NAALADL2: variants seen among roughly 807,000 people sequenced by gnomAD.
NAALADL2 encodes N-acetylated alpha-linked acidic dipeptidase like 2, also known as inactive N-acetylated-alpha-linked acidic dipeptidase-like protein 2.
NAALADL2 carries 76 observed loss-of-function variants against 87.2 expected under a neutral mutation model. That is an observed-to-expected ratio of 0.87 (90% CI 0.72 to 1.05). The LOEUF is 1.05. NAALADL2 is among the 50% of genes least tolerant of loss of function. The pLI is 0.00. For missense variants in NAALADL2, 1,089 were observed against 945.8 expected (o/e 1.15, Z -1.99); for synonymous variants, 354 against 331.0 (o/e 1.07, Z -0.75).
chr3:174,743,024 AC>A (rs1225949533), intron 3 of NAALADL2, among the ~76,000 whole-genome samples: 5 of 151,700 alleles, frequency 3.3e-5, no homozygotes, highest in Non-Finnish European at 5.9e-5. Flanking sequence ...TATATAATTC[AC>A]TTTTATTTGT....
At chr3:175,668,486 C>T (rs963100969) in intron 11 of NAALADL2, among the ~76,000 whole-genome samples, 1 of 151,828 alleles carries the variant, frequency 6.6e-6, no homozygotes, top group African/African-American at 2.4e-5. Flanking sequence ...ACACTACACA[C>T]GAATGAGTTT....
chr3:175,347,798 C>T (rs751981202), intron 5 of NAALADL2, among the ~76,000 whole-genome samples: 8 of 152,088 alleles, frequency 5.3e-5, no homozygotes, highest in Non-Finnish European at 1.0e-4. Flanking sequence ...AGATTTGTTA[C>T]ACAGGTATAC....
At chr3:175,055,246 A>G (rs7646465) in intron 1 of NAALADL2, among the ~76,000 whole-genome samples, 12,253 of 152,160 alleles carry the variant, frequency 0.081, 1,630 homozygotes, top group African/African-American at 0.28. Flanking sequence ...CACAATCAGG[A>G]GCTGTGCTAT....
intron 2 of NAALADL2, among the ~76,000 whole-genome samples, chr3:174,732,049 A>G (rs1168196812): frequency 6.6e-6 from 1 of 152,160 alleles, no homozygotes; most frequent in Non-Finnish European, 1.5e-5. Flanking sequence ...GCATCCGGCC[A>G]AATTTGGCTG....
intron 2 of NAALADL2, among the ~76,000 whole-genome samples, chr3:175,106,341 T>C (rs1302784700): frequency 6.6e-6 from 1 of 152,092 alleles, no homozygotes; most frequent in Admixed American, 6.6e-5. Context: ...CTACTGTCAA[T>C]GAACTATTTC....
chr3:175,656,543 A>G (rs1012189535), intron 11 of NAALADL2, among the ~76,000 whole-genome samples: 1 of 152,196 alleles, frequency 6.6e-6, no homozygotes, highest in Admixed American at 6.5e-5. Context: ...CAAAATACAT[A>G]GTCTGATATC....
intron 10 of NAALADL2, among the ~76,000 whole-genome samples, chr3:175,599,917 A>T (rs550989608): frequency 6.6e-6 from 1 of 152,220 alleles, no homozygotes; most frequent in African/African-American, 2.4e-5. Flanking sequence ...TAATTGTTTT[A>T]TGAATTCAAA....
rs543752497 is a variant in NAALADL2 at position 174,489,882 on chromosome 3, AGTAACCCTTATAT to A, written c.-184+48852_-184+48864del. On this transcript the variant is annotated intron_variant, in intron 1 of 3. Transcript: ENST00000434257. ...CGTACCCTTATATGTAACCCTTATAAGTAACCCTTATATGCATCAGCAAGTATTGGTGAAGTTG... is the reference window on the plus strand; with the variant it reads ...CGTACCCTTATATGTAACCCTTATAAGCATCAGCAAGTATTGGTGAAGTTG... Among the ~76,000 whole-genome samples the A allele has an allele frequency of 2.6e-3, 401 of 152,160 alleles. 3 individuals carry two copies. Among genetic ancestry groups the A allele is most frequent in the African/African-American group, 9.1e-3 (379 of 41,556 alleles).
intron 1 of NAALADL2, among the ~76,000 whole-genome samples, chr3:174,924,914 G>A (rs563329854): frequency 7.6e-4 from 115 of 152,252 alleles, no homozygotes; most frequent in African/African-American, 2.5e-3. Flanking sequence ...TTTTGATGGG[G>A]TTGTTTGTTT....
At chr3:174,856,789 G>A (rs1172810534), upstream of NAALADL2, among the ~76,000 whole-genome samples, 1 of 148,174 alleles carries the variant, frequency 6.7e-6, no homozygotes, top group Non-Finnish European at 1.5e-5. Context: ...GTAAAATTGT[G>A]AAGAAGGAAA....
rs181399047 is a variant in NAALADL2, at chr3:174,906,910, C to T, written c.43+47460C>T. Among the ~76,000 whole-genome samples the T allele has an allele frequency of 4.0e-3, 615 of 152,162 alleles. 2 individuals carry two copies. The highest frequency in any genetic ancestry group is 6.8e-3 in the Non-Finnish European group (464 of 68,000). On this transcript the variant is annotated intron_variant, in intron 1 of 13. Coordinates refer to ENST00000454872, the MANE Select transcript of NAALADL2 (RefSeq NM_207015.3). Reference sequence around the variant, plus strand: ...CATATCAAAATTTTTCTTATGTGATCACTAATCTTTCTTCTTATATAATTT... The same window carrying T: ...CATATCAAAATTTTTCTTATGTGATTACTAATCTTTCTTCTTATATAATTT...
Position 175,366,094 on chromosome 3 carries a change from T to C in NAALADL2, c.1090+41769T>C, listed in dbSNP as rs1165490316. On this transcript the variant is annotated intron_variant, in intron 5 of 13. Transcript: ENST00000454872. The stretch of plus-strand genomic sequence containing the variant: ...TCATTGTTCAATTCCCATCTGTGAG[T>C]GAGAACATGCAGTGTTTGGTTTTTT... Among the ~76,000 whole-genome samples the C allele has an allele frequency of 2.3e-5, 3 of 130,710 alleles. 1 individual carries two copies. The highest frequency in any genetic ancestry group is 4.9e-5 in the Non-Finnish European group (3 of 61,550). The allele number at this position is 130,710 out of a possible 152,430, so 85.8% of individuals were successfully genotyped here. A position where few individuals can be genotyped will look rare whatever the true frequency, so the allele number is the denominator to read the frequency against.
At chr3:174,707,508 A>G (rs1051922948) in intron 2 of NAALADL2, among the ~76,000 whole-genome samples, 13 of 152,132 alleles carry the variant, frequency 8.5e-5, no homozygotes, top group Non-Finnish European at 1.5e-4. Context: ...GACATGGATG[A>G]AGCTGGAAAC....
chr3:174,848,774 TG>T (rs1306187572), intron 3 of NAALADL2, among the ~76,000 whole-genome samples: 1 of 152,194 alleles, frequency 6.6e-6, no homozygotes, highest in Non-Finnish European at 1.5e-5. Flanking sequence ...AACTGATTTT[TG>T]TTGTTGCGTG....
chr3:175,280,322 AAGG>A (rs1754125798), intron 4 of NAALADL2, among the ~76,000 whole-genome samples: 1 of 152,150 alleles, frequency 6.6e-6, no homozygotes, highest in Admixed American at 6.5e-5. Flanking sequence ...TGAAAAGACC[AAGG>A]AGAAGGCAGT....
intron 2 of NAALADL2, among the ~76,000 whole-genome samples, chr3:175,138,703 C>T (rs967258392): frequency 6.7e-6 from 1 of 148,670 alleles, no homozygotes; most frequent in African/African-American, 2.5e-5. Context: ...CTCAACTGAT[C>T]CTCCCGAATA....
intron 2 of NAALADL2, among the ~76,000 whole-genome samples, chr3:174,713,377 A>T (rs1448642879): frequency 1.3e-5 from 2 of 152,202 alleles, no homozygotes; most frequent in Non-Finnish European, 2.9e-5. Context: ...AGGAATCGCC[A>T]CACTGACTTC....
chr3:175,081,689 G>C (rs937112599), intron 1 of NAALADL2, among the ~76,000 whole-genome samples: 3 of 152,046 alleles, frequency 2.0e-5, no homozygotes, highest in Admixed American at 6.5e-5. Flanking sequence ...GCACAGCATT[G>C]GTTCTTGTTG....
intron 3 of NAALADL2, 124 bp downstream of exon 3, chr3:175,234,328 TG>T: frequency 9.5e-7 from 1 of 1,050,166 alleles, no homozygotes; most frequent in Non-Finnish European, 1.4e-6. Context: ...CTTTTCAGTG[TG>T]GAAGTGCCAG....
Sources: allele counts gnomAD v4.1 joint callset (sites outside exome capture counted in the v4.1 genomes callset), GRCh38; gene constraint gnomAD v4.1.1; transcripts MANE v1.5; gene names NCBI Gene and HGNC (gene_info 2026-07-23, HGNC 2026-07-21).